SCAPER: variants seen among roughly 807,000 people sequenced by gnomAD.
SCAPER encodes S-phase cyclin A associated protein in the ER.
Under a neutral mutation model 182.2 loss-of-function variants are expected in SCAPER, and 98 were observed. The ratio of observed to expected loss-of-function variants is 0.54; its 90% CI spans 0.46 to 0.64. The LOEUF (loss-of-function observed/expected upper bound fraction) is 0.64, where lower values mean the gene tolerates loss of function less well. Ranked by LOEUF, SCAPER falls within the 30% of genes least tolerant of loss-of-function variation. The pLI is 0.00. For synonymous variants in SCAPER, 605 were observed against 564.6 expected, an observed-to-expected ratio of 1.07 and a Z score of -1.01; for missense variants, 1,432 against 1,690.0, an observed-to-expected ratio of 0.85 and a Z score of 2.68.
At chr15:76,652,518 T>TACACAC (rs71143350) in intron 21 of SCAPER, among the ~76,000 whole-genome samples, 3,320 of 88,818 alleles carry the variant, frequency 0.037, 105 homozygotes, top group Middle Eastern at 0.051. Flanking sequence ...TTTACATACA[T>TACACAC]ACACACACAC....
chr15:76,668,045 T>C (rs2056753766), intron 20 of SCAPER, among the ~76,000 whole-genome samples: 1 of 152,216 alleles, frequency 6.6e-6, no homozygotes, highest in Non-Finnish European at 1.5e-5. Context: ...ATAACACGTC[T>C]ACAACAAAAC....
chr15:76,552,596 A>G (rs1005939718), intron 23 of SCAPER, among the ~76,000 whole-genome samples: 1 of 152,138 alleles, frequency 6.6e-6, no homozygotes, highest in Admixed American at 6.5e-5. Context: ...TCCTAGCTGC[A>G]GGAGAACTCA....
intron 14 of SCAPER, among the ~76,000 whole-genome samples, chr15:76,759,833 T>C (rs1398011601): frequency 6.6e-6 from 1 of 152,144 alleles, no homozygotes. Context: ...CATGGTATGA[T>C]TGTAGATGTA....
intron 23 of SCAPER, among the ~76,000 whole-genome samples, chr15:76,552,182 C>T (rs940595518): frequency 2.0e-5 from 3 of 152,102 alleles, no homozygotes; most frequent in East Asian, 1.9e-4. Context: ...ATTAGGTGGG[C>T]TGAGGCAGGA....
chr15:76,532,330 C>CCCTT (rs1353817505), intron 23 of SCAPER, among the ~76,000 whole-genome samples: 3 of 151,766 alleles, frequency 2.0e-5, no homozygotes, highest in East Asian at 1.9e-4. Context: ...CCCTCCCCTC[C>CCCTT]CCTTCCTTCC....
At chr15:76,854,983 C>CA (rs1367794325) in intron 4 of SCAPER, among the ~76,000 whole-genome samples, 1 of 145,514 alleles carries the variant, frequency 6.9e-6, no homozygotes, top group Non-Finnish European at 1.5e-5. Flanking sequence ...AAAAAAAATA[C>CA]AAAAAACAAA....
intron 2 of SCAPER, among the ~76,000 whole-genome samples, chr15:76,875,507 G>C (rs1313654621): frequency 6.6e-6 from 1 of 152,166 alleles, no homozygotes; most frequent in Non-Finnish European, 1.5e-5. Context: ...AGCGGGCGTG[G>C]TGGTACGCGC....
intron 25 of SCAPER, among the ~76,000 whole-genome samples, chr15:76,443,994 G>A (rs751738719): frequency 6.6e-5 from 10 of 152,234 alleles, no homozygotes; most frequent in Non-Finnish European, 1.3e-4. Context: ...TGACTTTCTG[G>A]AGGGTGAAAG....
rs1467309527 is a variant in SCAPER at position 76,434,278 on chromosome 15, C to T, written c.3111G>A (p.Leu1037=). The change falls in exon 26 of 32, where the codon TTG becomes TTA. Residue 1037 remains leucine, a synonymous_variant. Coordinates refer to ENST00000563290, the MANE Select transcript of SCAPER (RefSeq NM_020843.4). ...AAACTTGTTTATTTGTATTTCTCCC[C>T]AAAATAGTATTATTTTCATCTGGAA... ...VYVPDENNTI[L]GRNTNKQVFE... The T allele has an allele frequency of 1.9e-6, 3 of 1,611,806 alleles. No homozygotes were observed. In the African/African-American group the frequency reaches 4.0e-5, roughly 22 times the overall value.
At chr15:76,819,369 G>A (rs1018603546) in intron 5 of SCAPER, among the ~76,000 whole-genome samples, 6 of 152,170 alleles carry the variant, frequency 3.9e-5, no homozygotes, top group Non-Finnish European at 8.8e-5. Flanking sequence ...ACATGGCTGG[G>A]TACTCCTCTG....
intron 20 of SCAPER, among the ~76,000 whole-genome samples, chr15:76,667,668 C>T (rs2056708200): frequency 7.8e-6 from 1 of 127,506 alleles, no homozygotes; most frequent in Admixed American, 8.6e-5. Flanking sequence ...AAAAACGCTC[C>T]TCAGCCAGAA....
intron 23 of SCAPER, among the ~76,000 whole-genome samples, chr15:76,556,186 T>G (rs1417368619): frequency 6.6e-6 from 1 of 151,994 alleles, no homozygotes; most frequent in African/African-American, 2.4e-5. Flanking sequence ...GGCTAAACAA[T>G]GAAAATAAGG....
intron 20 of SCAPER, among the ~76,000 whole-genome samples, chr15:76,690,148 A>T (rs2058273588): frequency 6.6e-6 from 1 of 152,168 alleles, no homozygotes; most frequent in South Asian, 2.1e-4. Flanking sequence ...CTACTGTGGC[A>T]AGAAATAAGT....
chr15:76,829,109 A>T (rs1335997717), intron 5 of SCAPER, among the ~76,000 whole-genome samples: 1 of 152,210 alleles, frequency 6.6e-6, no homozygotes, highest in African/African-American at 2.4e-5. Context: ...TACACCATGA[A>T]ATACTACTCA....
Position 76,682,272 on chromosome 15 carries a change from C to A in SCAPER, c.2509-16483G>T, listed in dbSNP as rs185610142. 4.7e-4 allele frequency among the ~76,000 whole-genome samples: 67 copies of A among 143,288 alleles called. 2 individuals carry two copies. The highest frequency in any genetic ancestry group is 3.5e-3 in the Middle Eastern group (1 of 288). 94.0% of individuals were successfully genotyped at this position (143,288 alleles called of 152,430 possible). A position where few individuals can be genotyped will look rare whatever the true frequency, so the allele number is the denominator to read the frequency against. On this transcript the variant is annotated intron_variant, in intron 20 of 31. Transcript: ENST00000563290. ...ACAGAGCTCACCTCCCTTCCCCCCCCCACCCCACAGTGTACGTGTGAGCAT... is the reference window on the plus strand; with the variant it reads ...ACAGAGCTCACCTCCCTTCCCCCCCACACCCCACAGTGTACGTGTGAGCAT...
intron 23 of SCAPER, among the ~76,000 whole-genome samples, chr15:76,529,577 G>A (rs767849118): frequency 6.6e-5 from 10 of 152,196 alleles, no homozygotes; most frequent in Non-Finnish European, 2.9e-5. Flanking sequence ...TTTAAATAGC[G>A]TGGTAAGAGA....
chr15:76,564,341 A>C (rs746493172), intron 23 of SCAPER, among the ~76,000 whole-genome samples: 8 of 152,168 alleles, frequency 5.3e-5, no homozygotes, highest in Admixed American at 3.9e-4. Flanking sequence ...CAATGTGCAA[A>C]AATCACTAGC....
chr15:76,797,527 C>T (rs2065414818), intron 7 of SCAPER: 1 of 152,042 alleles, frequency 6.6e-6, no homozygotes, highest in Non-Finnish European at 1.5e-5. Flanking sequence ...TTGAGAGGAC[C>T]CTAATCTCTT....
chr15:76,537,465 G>A (rs1205892175), intron 23 of SCAPER, among the ~76,000 whole-genome samples: 1 of 152,066 alleles, frequency 6.6e-6, no homozygotes, highest in Non-Finnish European at 1.5e-5. Context: ...GAAGCAATGG[G>A]GAAAGGATTC....
Sources: gnomAD v4.1 joint callset for allele counts (sites outside exome capture counted in the v4.1 genomes callset) on GRCh38, gnomAD v4.1.1 for gene constraint, MANE v1.5 for transcripts, NCBI Gene and HGNC (gene_info 2026-07-23, HGNC 2026-07-21) for gene names.